Variants in RNF212 observed in about 807,000 individuals in gnomAD.
The protein encoded by RNF212 is ring finger protein 212.
RNF212 carries 33 observed loss-of-function variants against 34.7 expected under a neutral mutation model. The observed-to-expected ratio is 0.95, with a 90% CI of 0.72 to 1.27. RNF212 has a LOEUF of 1.27. Ranked by LOEUF, RNF212 falls within the 50% of genes most tolerant of loss-of-function variation. RNF212 has a pLI of 0.00. For missense variants in RNF212, 377 were observed against 362.2 expected (o/e 1.04, Z -0.33); for synonymous variants, 140 against 136.1 (o/e 1.03, Z -0.20).
In RNF212 at chr4:1,096,751, C is replaced by T. The variant is rs374403252; in HGVS notation, c.246+14G>A. 65 of 1,603,126 alleles carry T rather than the reference C, an allele frequency of 4.1e-5. No individual in the cohort carries two copies. In the African/African-American group the frequency reaches 4.5e-4, roughly 11 times the overall value. ...GGCTCATCACGGAACCAAGCCACAC[C>T]CCTCACAGCTCACCTGGGAGGTTTC... On this transcript the variant is annotated intron_variant, in intron 3 of 9. Coordinates refer to ENST00000433731, the MANE Select transcript of RNF212 (RefSeq NM_001131034.4).
intron 8 of RNF212, among the ~76,000 whole-genome samples, chr4:1,078,169 G>A (rs766978654): frequency 1.4e-4 from 22 of 152,292 alleles, no homozygotes; most frequent in Non-Finnish European, 1.3e-4. Flanking sequence ...ACACTGTGTC[G>A]CACAACCCGA....
chr4:1,088,024 T>G (rs1721618266), intron 4 of RNF212, among the ~76,000 whole-genome samples: 1 of 152,052 alleles, frequency 6.6e-6, no homozygotes, highest in African/African-American at 2.4e-5. Context: ...TTGGTACCAG[T>G]AGAGTGGGGC....
At chr4:1,058,526 G>T in intron 3 of RNF212, 1 of 224,734 alleles carries the variant, frequency 4.4e-6, no homozygotes, top group Non-Finnish European at 7.5e-6. Flanking sequence ...GCAGTGGCAG[G>T]CAGAGCCACA....
intron 3 of RNF212, chr4:1,058,499 G>A: frequency 2.8e-6 from 1 of 351,398 alleles, no homozygotes; most frequent in Non-Finnish European, 4.0e-6. Context: ...AGCTGTCACT[G>A]CCTCCCTGCC....
chr4:1,065,924 T>C (rs1718064525), intron 3 of RNF212, among the ~76,000 whole-genome samples: 2 of 151,720 alleles, frequency 1.3e-5, no homozygotes, highest in Admixed American at 1.3e-4. Flanking sequence ...TCGTCCAGGC[T>C]GGAGTGCAGT....
Position 1,108,733 on chromosome 4 carries a change from T to TC in RNF212, c.110-330_110-329insG, listed in dbSNP as rs1315742043. ...TTTTTTTTGAGACAAGGTCTTGTTC[T>TC]GTTGCCCAGGCTGATCTGCAAGTGG... is the stretch of plus-strand genomic sequence containing the variant. On this transcript the variant is annotated intron_variant, in intron 1 of 9. Coordinates refer to ENST00000433731, the MANE Select transcript of RNF212 (RefSeq NM_001131034.4). Among the ~76,000 whole-genome samples, 399 of 152,356 alleles carry TC rather than the reference T, an allele frequency of 2.6e-3. 5 individuals carry two copies. Among genetic ancestry groups the TC allele is most frequent in the Middle Eastern group, 6.8e-3 (2 of 294 alleles).
chr4:1,092,868 G>A (rs890954481), intron 3 of RNF212, among the ~76,000 whole-genome samples: 1 of 152,228 alleles, frequency 6.6e-6, no homozygotes, highest in African/African-American at 2.4e-5. Flanking sequence ...TCGCCAAGAG[G>A]CCAGGAGAGG....
In RNF212 at chr4:1,104,852, A is replaced by G. The variant is rs570394252; in HGVS notation, c.171+3491T>C. ...CTGACATCTAATGGCGGCACGGGGC[A>G]GGACAGCTAAGAAACACTCCCCACC... On this transcript the variant is annotated intron_variant, in intron 2 of 9. Transcript: ENST00000433731. 5.3e-5 allele frequency among the ~76,000 whole-genome samples: 8 copies of G among 152,308 alleles called. No individual in the cohort carries two copies. The South Asian group carries it at 1.7e-3, about 32-fold the overall frequency.
chr4:1,109,010 CTTTT>C (rs71168810), intron 1 of RNF212, among the ~76,000 whole-genome samples: 1 of 135,842 alleles, frequency 7.4e-6, no homozygotes. Context: ...CATAATTAGC[CTTTT>C]TTTTTTTTTT....
chr4:1,085,969 A>G lies in RNF212; in HGVS notation c.304-15T>C. Reference sequence around the variant, plus strand: ...AACCTAGAAATCTAAACATAATTACACAACCTCTTGTTATCAGACAGGCTA... The same window carrying G: ...AACCTAGAAATCTAAACATAATTACGCAACCTCTTGTTATCAGACAGGCTA... On this transcript the variant is annotated splice_polypyrimidine_tract_variant and intron_variant, in intron 4 of 9. Transcript: ENST00000433731. 6 of 1,580,040 alleles carry G rather than the reference A, an allele frequency of 3.8e-6. No individual in the cohort carries two copies. The highest frequency in any genetic ancestry group is 5.2e-6 in the Non-Finnish European group (6 of 1,149,838).
chr4:1,088,315 G>C (rs1273200554), intron 4 of RNF212, among the ~76,000 whole-genome samples: 1 of 152,200 alleles, frequency 6.6e-6, no homozygotes, highest in Admixed American at 6.5e-5. Flanking sequence ...TTTTGCTCCT[G>C]CCCTCAATGT....
chr4:1,109,769 T>C (rs1225326100), intron 1 of RNF212, among the ~76,000 whole-genome samples: 1 of 151,994 alleles, frequency 6.6e-6, no homozygotes, highest in African/African-American at 2.4e-5. Flanking sequence ...TCACGCTACC[T>C]CCTTCCTTTC....
Position 1,090,823 on chromosome 4 carries a change from C to T in RNF212, c.262G>A (p.Glu88Lys), listed in dbSNP as rs1251140683. Reference protein sequence around the residue: ...RETSQILEFQEKHRKRLLAFY... With the variant: ...RETSQILEFQKKHRKRLLAFY... ...GCTAACAATCTCTTCCTGTGTTTTTCTTGAAATTCTAAAATCTGAAAAGAT... is the reference window on the plus strand; with the variant it reads ...GCTAACAATCTCTTCCTGTGTTTTTTTTGAAATTCTAAAATCTGAAAAGAT... Residue 88 changes from glutamate (E) to lysine (K), a missense_variant, in exon 4 of 10, where the codon GAA becomes AAA. Transcript: ENST00000433731. 2 of 1,591,602 alleles carry T rather than the reference C, an allele frequency of 1.3e-6. No individual in the cohort carries two copies. Among genetic ancestry groups the T allele is most frequent in the Non-Finnish European group, 1.7e-6 (2 of 1,160,444 alleles).
rs554805324 is a variant in RNF212 at position 1,078,247 on chromosome 4, C to A, written c.510+1396G>T. ...ACACAGGCATTCACCGCCGCCAGAA[C>A]ACACTCAGTTTTCCTGCCTTTGCTC... On this transcript the variant is annotated intron_variant, in intron 8 of 9. Transcript: ENST00000433731. Among the ~76,000 whole-genome samples the A allele has an allele frequency of 1.5e-3, 232 of 152,352 alleles. 1 individual carries two copies. Among genetic ancestry groups the A allele is most frequent in the African/African-American group, 5.4e-3 (225 of 41,578 alleles).
intron 8 of RNF212, 73 bp from the exon 9 acceptor site, chr4:1,073,735 T>C (rs1718806697): frequency 1.8e-5 from 17 of 962,240 alleles, no homozygotes; most frequent in Admixed American, 5.3e-5. Flanking sequence ...TCCCACTGTC[T>C]GTTAGGAACA....
intron 1 of RNF212, among the ~76,000 whole-genome samples, chr4:1,109,999 A>G (rs1725407838): frequency 2.0e-5 from 3 of 152,180 alleles, no homozygotes. Flanking sequence ...CCTCCCTTCT[A>G]GCTCTTTAAG....
At chr4:1,062,232 A>G (rs562189392) in intron 3 of RNF212, among the ~76,000 whole-genome samples, 87 of 152,348 alleles carry the variant, frequency 5.7e-4, no homozygotes, top group African/African-American at 1.9e-3. Context: ...ACAATTCCTC[A>G]ACAAAATACC....
At chr4:1,093,575 G>A (rs757891066) in intron 3 of RNF212, 55 of 1,069,408 alleles carry the variant, frequency 5.1e-5, no homozygotes, top group South Asian at 3.1e-4. Flanking sequence ...TGAGAGGCAC[G>A]AGAGGCAGAG....
chr4:1,081,603 G>C lies in RNF212; in HGVS notation c.379C>G (p.Gln127Glu). The part of the protein sequence containing the change: ...EQLQSMRSSQ[Q>E]TAFSTIKSSV... ...CTTTTTATTGTGCTGAAAGCTGTTT[G>C]TTGTGATGATCTCATACTAAATAGA... is the stretch of plus-strand genomic sequence containing the variant. Residue 127 changes from glutamine to glutamate, a missense_variant, in exon 6 of 10, where the codon CAA (glutamine) becomes GAA (glutamate). Gln to Glu is a conservative substitution (Grantham distance 29). Coordinates refer to ENST00000433731, the MANE Select transcript of RNF212 (RefSeq NM_001131034.4). 6.2e-7 allele frequency: 1 copy of C among 1,609,608 alleles called. No individual in the cohort carries two copies. Among genetic ancestry groups the C allele is most frequent in the Non-Finnish European group, 8.5e-7 (1 of 1,175,984 alleles).
Sources: gnomAD v4.1 joint callset for allele counts (sites outside exome capture counted in the v4.1 genomes callset) on GRCh38, gnomAD v4.1.1 for gene constraint, MANE v1.5 for transcripts, NCBI Gene and HGNC (gene_info 2026-07-23, HGNC 2026-07-21) for gene names.